Variants in NBEA observed in about 807,000 individuals in gnomAD.
The protein encoded by NBEA is neurobeachin.
In NBEA, 44 loss-of-function variants were observed where a neutral mutation model predicts 343.4. That is an observed-to-expected ratio of 0.13 (90% CI 0.10 to 0.16). NBEA has a LOEUF of 0.16. Ranked by LOEUF, NBEA falls within the 10% of genes least tolerant of loss-of-function variation. The pLI, the probability that NBEA is intolerant of heterozygous loss-of-function variation, is 1.00. For missense variants in NBEA, 2,555 were observed against 3,631.3 expected (o/e 0.70, Z 7.62); for synonymous variants, 1,175 against 1,238.7 (o/e 0.95, Z 1.08).
intron 38 of NBEA, among the ~76,000 whole-genome samples, chr13:35,418,903 A>C (rs576190341): frequency 1.1e-4 from 17 of 152,076 alleles, no homozygotes; most frequent in Non-Finnish European, 2.2e-4. Flanking sequence ...AGTGTTTTGA[A>C]TTTAGGATTT....
chr13:35,458,674 C>A (rs562322383), intron 40 of NBEA, among the ~76,000 whole-genome samples: 1 of 152,196 alleles, frequency 6.6e-6, no homozygotes, highest in African/African-American at 2.4e-5. Flanking sequence ...AATTTCAATT[C>A]AGCTCATCAC....
rs151140631 is a variant in NBEA at position 35,122,064 on chromosome 13, T to G, written c.2244-1418T>G. Among the ~76,000 whole-genome samples, 932 of 152,304 alleles carry G rather than the reference T, an allele frequency of 6.1e-3. 11 individuals carry two copies. Among genetic ancestry groups the G allele is most frequent in the African/African-American group, 0.021 (872 of 41,560 alleles). ...AAATGGAATAAAATTTCTAAACACT[T>G]AAACAAATGTTATAATGAATATGGC... On this transcript the variant is annotated intron_variant, in intron 16 of 58. Transcript: ENST00000379939.
chr13:35,211,835 TAAAC>T (rs1453514505), intron 33 of NBEA, among the ~76,000 whole-genome samples: 2 of 150,446 alleles, frequency 1.3e-5, no homozygotes, highest in East Asian at 3.9e-4. Flanking sequence ...AATAAATAAA[TAAAC>T]AAATAAACAA....
At position 35,266,800 on chromosome 13, in the gene NBEA, G is replaced by A. The variant is rs548098242; in HGVS notation, c.5777-23589G>A. Among the ~76,000 whole-genome samples, 16 of 151,906 alleles carry A rather than the reference G, an allele frequency of 1.1e-4. No homozygotes were observed. The South Asian group carries it at 3.3e-3, about 32-fold the overall frequency. ...TGGTGACTATTGTTAACAATAAACA[G>A]TTATCCCATGAACAACTCAGTGTTC... On this transcript the variant is annotated intron_variant, in intron 34 of 58. Coordinates refer to ENST00000379939, the MANE Select transcript of NBEA (RefSeq NM_001385012.1).
intron 1 of NBEA, among the ~76,000 whole-genome samples, chr13:34,987,744 G>C (rs530237020): frequency 6.6e-6 from 1 of 150,670 alleles, no homozygotes. Context: ...TCATTAATTT[G>C]ATCTTCAATC....
At chr13:35,585,617 A>G (rs1178535981) in intron 46 of NBEA, among the ~76,000 whole-genome samples, 3 of 151,764 alleles carry the variant, frequency 2.0e-5, no homozygotes, top group East Asian at 1.9e-4. Flanking sequence ...CTTCTTTGCA[A>G]ACATTTCTCA....
intron 41 of NBEA, among the ~76,000 whole-genome samples, chr13:35,487,453 A>G (rs2076343411): frequency 6.6e-6 from 1 of 151,984 alleles, no homozygotes; most frequent in Non-Finnish European, 1.5e-5. Context: ...CATAAGTCAG[A>G]CATTTTATAT....
At chr13:35,379,463 G>GAT (rs1412264825) in intron 38 of NBEA, among the ~76,000 whole-genome samples, 3 of 151,936 alleles carry the variant, frequency 2.0e-5, no homozygotes, top group Non-Finnish European at 1.5e-5. Context: ...GCATTTGTTT[G>GAT]ATATATATAT....
chr13:35,523,350 C>T (rs923463246), intron 41 of NBEA, among the ~76,000 whole-genome samples: 31 of 152,076 alleles, frequency 2.0e-4, no homozygotes, highest in African/African-American at 6.3e-4. Flanking sequence ...TCAGAACCAC[C>T]GTGCACTTGG....
chr13:35,583,901 A>T lies in NBEA; in HGVS notation c.7039A>T (p.Ile2347Phe). ...PGNFRDLSKP[I>F]GALNPKRAVF... ...AATATTTTTTTTCTTTTAATAGCCA[A>T]TTGGTGCTTTGAACCCCAAGAGAGC... Residue 2347 changes from isoleucine (I) to phenylalanine (F), a missense_variant, in exon 46 of 59, where the codon ATT (isoleucine) becomes TTT (phenylalanine). Ile to Phe is a conservative substitution (Grantham distance 21, BLOSUM62 0). Transcript: ENST00000379939. 1 of 1,607,820 alleles carries T rather than the reference A, an allele frequency of 6.2e-7. No individual in the cohort carries two copies. Among genetic ancestry groups the T allele is most frequent in the Non-Finnish European group, 8.5e-7 (1 of 1,178,210 alleles).
chr13:35,065,961 T>G (rs1194366351), intron 8 of NBEA, among the ~76,000 whole-genome samples: 1 of 152,130 alleles, frequency 6.6e-6, no homozygotes, highest in Non-Finnish European at 1.5e-5. Flanking sequence ...ATGTTTCGTG[T>G]GTACATTTTT....
intron 38 of NBEA, among the ~76,000 whole-genome samples, chr13:35,353,392 G>GC (rs780977241): frequency 1.3e-5 from 2 of 151,928 alleles, no homozygotes; most frequent in Non-Finnish European, 2.9e-5. Flanking sequence ...CCGAGATTGT[G>GC]CCACAGAACT....
intron 39 of NBEA, among the ~76,000 whole-genome samples, chr13:35,442,825 A>C (rs1004338368): frequency 1.3e-5 from 2 of 152,112 alleles, no homozygotes; most frequent in African/African-American, 4.8e-5. Flanking sequence ...TCAATATAAA[A>C]AGTGCATTCC....
intron 10 of NBEA, among the ~76,000 whole-genome samples, chr13:35,075,282 A>G (rs1162179979): frequency 2.0e-5 from 3 of 152,166 alleles, no homozygotes; most frequent in African/African-American, 7.2e-5. Context: ...TATCTGTCAT[A>G]GCGTCTGTAC....
chr13:35,600,843 C>T (rs1222016881), intron 47 of NBEA, among the ~76,000 whole-genome samples: 1 of 152,112 alleles, frequency 6.6e-6, no homozygotes, highest in Non-Finnish European at 1.5e-5. Flanking sequence ...CCCCCTTTAT[C>T]TTCAACTCAC....
intron 41 of NBEA, among the ~76,000 whole-genome samples, chr13:35,514,525 C>T (rs1158386970): frequency 2.0e-5 from 3 of 152,032 alleles, no homozygotes; most frequent in African/African-American, 7.2e-5. Flanking sequence ...GGGTCTTGAA[C>T]TCTTGATGCA....
At position 35,670,932 on chromosome 13, in the gene NBEA, A is replaced by G; in HGVS notation, c.8845A>G (p.Ile2949Val). 6.3e-7 allele frequency: 1 copy of G among 1,597,082 alleles called. No homozygotes were observed. The highest frequency in any genetic ancestry group is 8.5e-7 in the Non-Finnish European group (1 of 1,171,020). ...GATCACTGGCATGGCTTCTGGTAGC[A>G]TTGTAGCTTTTAATATAGATTTTAA... ...TLITGMASGS[I>V]VAFNIDFNRW... The change falls in exon 59 of 59, where the codon ATT (isoleucine) becomes GTT (valine). Residue 2949 changes from isoleucine (I) to valine (V), a missense_variant. By Grantham distance (29) the Ile-to-Val change is conservative. Coordinates refer to ENST00000379939, the MANE Select transcript of NBEA (RefSeq NM_001385012.1).
At chr13:35,046,978 C>T (rs556615967) in intron 4 of NBEA, among the ~76,000 whole-genome samples, 2 of 151,950 alleles carry the variant, frequency 1.3e-5, no homozygotes, top group African/African-American at 4.8e-5. Context: ...TTAAAAAATT[C>T]GGTTGTTTTT....
intron 35 of NBEA, among the ~76,000 whole-genome samples, chr13:35,293,321 A>G (rs1413058317): frequency 2.0e-5 from 3 of 152,164 alleles, no homozygotes; most frequent in African/African-American, 4.8e-5. Flanking sequence ...TCATTCTGAT[A>G]TATTTATCAT....
Sources: allele counts gnomAD v4.1 joint callset (sites outside exome capture counted in the v4.1 genomes callset), GRCh38; gene constraint gnomAD v4.1.1; transcripts MANE v1.5; gene names NCBI Gene and HGNC (gene_info 2026-07-23, HGNC 2026-07-21).